CCL7: variants seen among roughly 807,000 people sequenced by gnomAD.
CCL7 encodes C-C motif chemokine 7.
In CCL7, 8 loss-of-function variants were observed where a neutral mutation model predicts 7.1. The ratio of observed to expected loss-of-function variants is 1.13; its 90% CI spans 0.66 to 2.04. The LOEUF is 2.04. CCL7 is among the 30% of genes most tolerant of loss of function. The pLI is 0.00. For synonymous variants in CCL7, 46 were observed against 41.2 expected (o/e 1.12, Z -0.45); for missense variants, 134 against 113.6 (o/e 1.18, Z -0.82).
chr17:34,271,752 C>T lies in CCL7; in HGVS notation c.250C>T (p.Gln84Ter). The change falls in exon 3 of 3, where the codon CAG becomes TAG. Residue 84 changes from glutamine (Q) to a stop codon, truncating the protein, a stop_gained. Transcript: ENST00000378569. LOFTEE classifies it low-confidence loss of function (END_TRUNC). ...ICADPTQKWV[Q>*]DFMKHLDKKT... is the part of the protein sequence containing the mutation. ...TGCTGACCCCACACAGAAGTGGGTC[C>T]AGGACTTTATGAAGCACCTGGACAA... is the stretch of plus-strand genomic sequence containing the variant. 6.2e-7 allele frequency: 1 copy of T among 1,613,410 alleles called. No homozygotes were observed. Among genetic ancestry groups the T allele is most frequent in the Non-Finnish European group, 8.5e-7 (1 of 1,179,802 alleles).
intron 1 of CCL7, 132 bp from the exon 2 acceptor site, chr17:34,271,014 T>G: frequency 6.5e-7 from 1 of 1,536,946 alleles, no homozygotes; most frequent in Non-Finnish European, 8.7e-7. Context: ...GACATTGGGT[T>G]TGGGATGGGC....
Position 34,270,372 on chromosome 17 carries a change from G to T in CCL7, c.76+6G>T, listed in dbSNP as rs376824379. Reference sequence around the variant, plus strand: ...CCAGGGGCTTGCTCAGCCAGGTAAGGTCCCTCTCTCCTTCTCCTTGAAGCA... The same window carrying T: ...CCAGGGGCTTGCTCAGCCAGGTAAGTTCCCTCTCTCCTTCTCCTTGAAGCA... On this transcript the variant is annotated splice_donor_region_variant and intron_variant, in intron 1 of 2. Coordinates refer to ENST00000378569, the MANE Select transcript of CCL7 (RefSeq NM_006273.4). 31 of 1,613,502 alleles carry T rather than the reference G, an allele frequency of 1.9e-5. No individual in the cohort carries two copies. Among genetic ancestry groups the T allele is most frequent in the East Asian group, 4.5e-5 (2 of 44,888 alleles).
At chr17:34,271,122 T>C (rs1222662626) in intron 1 of CCL7, 24 bp from the exon 2 acceptor site, 1 of 1,614,090 alleles carries the variant, frequency 6.2e-7, no homozygotes, top group Non-Finnish European at 8.5e-7. Flanking sequence ...TCAATGGACT[T>C]TTCTTCTTGT....
At chr17:34,271,054 C>G in intron 1 of CCL7, 92 bp from the exon 2 acceptor site, 1 of 1,585,832 alleles carries the variant, frequency 6.3e-7, no homozygotes, top group Non-Finnish European at 8.6e-7. Context: ...TCCTTTCTTT[C>G]TGATTCCTTC....
rs201623604 is a variant in CCL7, at chr17:34,271,168, C to G, written c.99C>G (p.Thr33=). The change falls in exon 2 of 3, where the codon ACC becomes ACG. Residue 33 remains threonine, a synonymous_variant. Coordinates refer to ENST00000378569, the MANE Select transcript of CCL7 (RefSeq NM_006273.4). The part of the protein sequence containing the change: ...AQPVGINTST[T]CCYRFINKKI... ...CAGTTGGGATTAATACTTCAACTAC[C>G]TGCTGCTACAGATTTATCAATAAGA... 4.6e-5 allele frequency: 74 copies of G among 1,614,004 alleles called. No homozygotes were observed. Among genetic ancestry groups the G allele is most frequent in the Non-Finnish European group, 6.2e-5 (73 of 1,180,022 alleles).
In CCL7 at chr17:34,270,228, G is replaced by T; in HGVS notation, c.-63G>T. 1 of 1,435,450 alleles carries T rather than the reference G, an allele frequency of 7.0e-7. No individual in the cohort carries two copies. The highest frequency in any genetic ancestry group is 9.8e-7 in the Non-Finnish European group (1 of 1,017,078). 88.9% of individuals were successfully genotyped at this position (1,435,450 alleles called of 1,614,324 possible). On this transcript the variant is annotated 5_prime_UTR_variant, in exon 1 of 3. Transcript: ENST00000378569. ...AGACAGAGCTTCCAGAGGAGCAGAG[G>T]GGCTGAGACCAAACCAGAAACCTCC...
chr17:34,271,392 C>T, intron 2 of CCL7, 129 bp downstream of exon 2: 1 of 764,360 alleles, frequency 1.3e-6, no homozygotes. Context: ...TAACCTTATC[C>T]CAGACATTTG....
rs1908181290 is a variant in CCL7, at chr17:34,271,806, T to C, written c.*4T>C. Reference sequence around the variant, plus strand: ...AACCCAAACTCCAAAGCTTTGAACATTCATGACTGAACTGAAAACAAGCCA... The same window carrying C: ...AACCCAAACTCCAAAGCTTTGAACACTCATGACTGAACTGAAAACAAGCCA... On this transcript the variant is annotated 3_prime_UTR_variant, in exon 3 of 3. Coordinates refer to ENST00000378569, the MANE Select transcript of CCL7 (RefSeq NM_006273.4). The C allele has an allele frequency of 4.4e-6, 7 of 1,584,046 alleles. No homozygotes were observed. The South Asian group carries it at 7.8e-5, about 18-fold the overall frequency.
rs201631160 is a variant in CCL7, at chr17:34,272,000, T to C, written c.*198T>C. Reference sequence around the variant, plus strand: ...TTTTAATTTAATCTTCCATGGATTTTGGTGGGTTTTGAACATAAAGCCTTG... The same window carrying C: ...TTTTAATTTAATCTTCCATGGATTTCGGTGGGTTTTGAACATAAAGCCTTG... On this transcript the variant is annotated 3_prime_UTR_variant, in exon 3 of 3. Transcript: ENST00000378569. 4.1e-6 allele frequency: 2 copies of C among 482,154 alleles called. No homozygotes were observed. Among genetic ancestry groups the C allele is most frequent in the Non-Finnish European group, 7.2e-6 (2 of 276,256 alleles). The allele number at this position is 482,154 out of a possible 1,614,324, so 29.9% of individuals were successfully genotyped here.
chr17:34,270,281 A>C lies in CCL7; in HGVS notation c.-10A>C, dbSNP rs773675111. On this transcript the variant is annotated 5_prime_UTR_variant, in exon 1 of 3. Coordinates refer to ENST00000378569, the MANE Select transcript of CCL7 (RefSeq NM_006273.4). ...TTCTCATGTGGAAGCCCATGCCCTC[A>C]CCCTCCAACATGAAAGCCTCTGCAG... 1 of 1,613,926 alleles carries C rather than the reference A, an allele frequency of 6.2e-7. No homozygotes were observed. The highest frequency in any genetic ancestry group is 2.2e-5 in the East Asian group (1 of 44,860).
Position 34,271,965 on chromosome 17 carries a change from G to A in CCL7, c.*163G>A, listed in dbSNP as rs201209241. 91 of 558,842 alleles carry A rather than the reference G, an allele frequency of 1.6e-4. No individual in the cohort carries two copies. Among genetic ancestry groups the A allele is most frequent in the Non-Finnish European group, 2.7e-4 (86 of 320,470 alleles). The allele number at this position is 558,842 out of a possible 1,614,324, so 34.6% of individuals were successfully genotyped here. On this transcript the variant is annotated 3_prime_UTR_variant, in exon 3 of 3. Transcript: ENST00000378569. ...TGGTTTTTCTTAGTAGATTTTAAAA[G>A]TTATTAATATTTTAATTTAATCTTC... is the stretch of plus-strand genomic sequence containing the variant.
At position 34,271,890 on chromosome 17, in the gene CCL7, A is replaced by G; in HGVS notation, c.*88A>G. On this transcript the variant is annotated 3_prime_UTR_variant, in exon 3 of 3. Transcript: ENST00000378569. ...CCTTTCTCAGAGTGGTTCTGAGATT[A>G]TTTTAATCTAATTCTAAGGAATATG... 1 of 749,864 alleles carries G rather than the reference A, an allele frequency of 1.3e-6. No homozygotes were observed. The highest frequency in any genetic ancestry group is 1.7e-5 in the South Asian group (1 of 59,080). 46.5% of individuals were successfully genotyped at this position (749,864 alleles called of 1,614,324 possible).
At chr17:34,271,373 C>A in intron 2 of CCL7, 110 bp downstream of exon 2, 1 of 846,284 alleles carries the variant, frequency 1.2e-6, no homozygotes, top group Non-Finnish European at 1.9e-6. Context: ...GTGATGCATA[C>A]AGCATCTCTA....
At chr17:34,271,674 A>C (rs759810467) in intron 2 of CCL7, 23 bp from the exon 3 acceptor site, 10 of 1,518,140 alleles carry the variant, frequency 6.6e-6, no homozygotes, top group Non-Finnish European at 9.1e-6. Flanking sequence ...GTTCCATCTG[A>C]CTGTCTCCTT....
chr17:34,271,968 A>G lies in CCL7; in HGVS notation c.*166A>G, dbSNP rs1247066697. On this transcript the variant is annotated 3_prime_UTR_variant, in exon 3 of 3. Coordinates refer to ENST00000378569, the MANE Select transcript of CCL7 (RefSeq NM_006273.4). The stretch of plus-strand genomic sequence containing the variant: ...TTTTTCTTAGTAGATTTTAAAAGTT[A>G]TTAATATTTTAATTTAATCTTCCAT... 2 of 553,842 alleles carry G rather than the reference A, an allele frequency of 3.6e-6. No individual in the cohort carries two copies. The highest frequency in any genetic ancestry group is 3.1e-6 in the Non-Finnish European group (1 of 317,890). The allele number at this position is 553,842 out of a possible 1,614,324, so 34.3% of individuals were successfully genotyped here.
At position 34,271,886 on chromosome 17, in the gene CCL7, G is replaced by T. The variant is rs1463271138; in HGVS notation, c.*84G>T. 1 of 781,772 alleles carries T rather than the reference G, an allele frequency of 1.3e-6. No homozygotes were observed. Among genetic ancestry groups the T allele is most frequent in the East Asian group, 2.7e-5 (1 of 36,668 alleles). The allele number at this position is 781,772 out of a possible 1,614,324, so 48.4% of individuals were successfully genotyped here. ...CTGTCCTTTCTCAGAGTGGTTCTGA[G>T]ATTATTTTAATCTAATTCTAAGGAA... On this transcript the variant is annotated 3_prime_UTR_variant, in exon 3 of 3. Transcript: ENST00000378569.
chr17:34,270,329 A>G lies in CCL7; in HGVS notation c.39A>G (p.Thr13=). ...ASAALLCLLL[T]AAAFSPQGLA... The stretch of plus-strand genomic sequence containing the variant: ...CAGCACTTCTGTGTCTGCTGCTCAC[A>G]GCAGCTGCTTTCAGCCCCCAGGGGC... Residue 13 remains threonine, a synonymous_variant, in exon 1 of 3, where the codon ACA becomes ACG. Transcript: ENST00000378569. The G allele has an allele frequency of 6.2e-7, 1 of 1,614,206 alleles. No individual in the cohort carries two copies. The highest frequency in any genetic ancestry group is 8.5e-7 in the Non-Finnish European group (1 of 1,180,038).
At position 34,270,327 on chromosome 17, in the gene CCL7, A is replaced by G. The variant is rs764240827; in HGVS notation, c.37A>G (p.Thr13Ala). The change falls in exon 1 of 3, where the codon ACA (threonine) becomes GCA (alanine). Residue 13 changes from threonine (T) to alanine (A), a missense_variant. Physicochemically the swap from Thr to Ala is moderately conservative, Grantham distance 58 (BLOSUM62 0). Coordinates refer to ENST00000378569, the MANE Select transcript of CCL7 (RefSeq NM_006273.4). Reference protein sequence around the residue: ...ASAALLCLLLTAAAFSPQGLA... With the variant: ...ASAALLCLLLAAAAFSPQGLA... ...TGCAGCACTTCTGTGTCTGCTGCTC[A>G]CAGCAGCTGCTTTCAGCCCCCAGGG... 1.6e-5 allele frequency: 26 copies of G among 1,614,038 alleles called. No individual in the cohort carries two copies. The highest frequency in any genetic ancestry group is 2.0e-5 in the Non-Finnish European group (24 of 1,180,016).
At chr17:34,271,383 A>G (rs1461943415) in intron 2 of CCL7, 120 bp downstream of exon 2, 1 of 800,536 alleles carries the variant, frequency 1.2e-6, no homozygotes, top group African/African-American at 1.7e-5. Context: ...CAGCATCTCT[A>G]ACCTTATCCC....
Sources: gnomAD v4.1 joint callset for allele counts on GRCh38, gnomAD v4.1.1 for gene constraint, MANE v1.5 for transcripts, NCBI Gene and HGNC (gene_info 2026-07-23, HGNC 2026-07-21) for gene names.